Variants in SDK1 observed in about 807,000 individuals in gnomAD.
SDK1 encodes the protein sidekick cell adhesion molecule 1, also known as protein sidekick-1.
Under a neutral mutation model 245.5 loss-of-function variants are expected in SDK1, and 157 were observed. The observed-to-expected ratio is 0.64, with a 90% CI of 0.56 to 0.73. SDK1 has a LOEUF of 0.73. SDK1 is among the 30% of genes least tolerant of loss of function. SDK1 has a pLI of 0.00. For missense variants in SDK1, 3,583 were observed against 3,002.3 expected (o/e 1.19, Z -4.52); for synonymous variants, 1,647 against 1,278.5 (o/e 1.29, Z -6.15).
intron 1 of SDK1, among the ~76,000 whole-genome samples, chr7:3,474,153 G>T (rs1456823757): frequency 7.1e-6 from 1 of 141,590 alleles, no homozygotes; most frequent in Non-Finnish European, 1.5e-5. Context: ...CCCAGGCTGG[G>T]GCGCGGTGGC....
chr7:3,704,421 C>T (rs923714559), intron 4 of SDK1, among the ~76,000 whole-genome samples: 4 of 151,182 alleles, frequency 2.6e-5, no homozygotes, highest in African/African-American at 9.7e-5. Flanking sequence ...GGTGGCATCT[C>T]ACTGTAGTTT....
At position 4,238,226 on chromosome 7, in the gene SDK1, C is replaced by T. The variant is rs564811589; in HGVS notation, c.6130+442C>T. ...TCCTGAGTAGCTGGGATTACAGGCG[C>T]CTGCCACTACGCCCGGCTAATTTTT... On this transcript the variant is annotated intron_variant, in intron 42 of 44. Transcript: ENST00000404826. Among the ~76,000 whole-genome samples, 28 of 151,694 alleles carry T rather than the reference C, an allele frequency of 1.8e-4. No individual in the cohort carries two copies. In the South Asian group the frequency reaches 5.9e-3, roughly 32 times the overall value.
At chr7:4,236,466 G>C (rs979207363) in intron 41 of SDK1, among the ~76,000 whole-genome samples, 2 of 152,122 alleles carry the variant, frequency 1.3e-5, no homozygotes, top group African/African-American at 4.8e-5. Flanking sequence ...GCTTGGTTTT[G>C]CTAGAGGCAG....
intron 4 of SDK1, among the ~76,000 whole-genome samples, chr7:3,771,020 G>A (rs532138997): frequency 2.0e-5 from 3 of 152,118 alleles, no homozygotes; most frequent in Non-Finnish European, 2.9e-5. Flanking sequence ...GTTTTTTCTG[G>A]TCTTGGCTTT....
chr7:3,774,985 G>T (rs934675422), intron 4 of SDK1, among the ~76,000 whole-genome samples: 1 of 152,134 alleles, frequency 6.6e-6, no homozygotes, highest in African/African-American at 2.4e-5. Context: ...TGAAGGCTGG[G>T]CAGTGCCCCA....
chr7:4,081,131 G>A lies in SDK1; in HGVS notation c.3324+1547G>A, dbSNP rs115422958. ...GCGCTCTCTGCAGGCTTTAGAATGTGGTGTTACGCTAGGGCTAGGCAGGCC... is the reference window on the plus strand; with the variant it reads ...GCGCTCTCTGCAGGCTTTAGAATGTAGTGTTACGCTAGGGCTAGGCAGGCC... On this transcript the variant is annotated intron_variant, in intron 22 of 44. Coordinates refer to ENST00000404826, the MANE Select transcript of SDK1 (RefSeq NM_152744.4). 8.0e-3 allele frequency among the ~76,000 whole-genome samples: 1,214 copies of A among 152,302 alleles called. 14 individuals carry two copies. The highest frequency in any genetic ancestry group is 0.027 in the African/African-American group (1,126 of 41,568).
At chr7:4,007,354 G>A (rs1785563840) in intron 14 of SDK1, among the ~76,000 whole-genome samples, 2 of 152,040 alleles carry the variant, frequency 1.3e-5, no homozygotes, top group Admixed American at 6.6e-5. Context: ...GAAAAGAGGG[G>A]GACCCAGGTA....
rs1356714145 is a variant in SDK1 at position 4,241,850 on chromosome 7, C to A, written c.6188C>A (p.Ala2063Asp). The A allele has an allele frequency of 1.9e-6, 3 of 1,613,930 alleles. No homozygotes were observed. Among genetic ancestry groups the A allele is most frequent in the Admixed American group, 1.7e-5 (1 of 60,000 alleles). Residue 2063 changes from alanine to aspartate, a missense_variant, in exon 43 of 45, where the codon GCC (alanine) becomes GAC (aspartate). Physicochemically the swap from Ala to Asp is moderately radical, Grantham distance 126. Coordinates refer to ENST00000404826, the MANE Select transcript of SDK1 (RefSeq NM_152744.4). ...ACCCTGGACAACGGAGGATTTGCTG[C>A]CCTGGAGCTCAGCAGCCGCCACCTC... ...SVTLDNGGFA[A>D]LELSSRHLNV...
intron 2 of SDK1, among the ~76,000 whole-genome samples, chr7:3,636,994 G>T (rs955841250): frequency 2.0e-5 from 3 of 151,972 alleles, no homozygotes; most frequent in Admixed American, 6.6e-5. Context: ...AGAAATGTCT[G>T]TCTAGTATCT....
At chr7:3,674,123 GCA>G (rs1783813384) in intron 4 of SDK1, among the ~76,000 whole-genome samples, 1 of 152,170 alleles carries the variant, frequency 6.6e-6, no homozygotes, top group South Asian at 2.1e-4. Flanking sequence ...GTTGATTGAA[GCA>G]CAGTCAATGT....
chr7:3,874,399 T>C (rs887005748), intron 5 of SDK1, among the ~76,000 whole-genome samples: 1 of 152,180 alleles, frequency 6.6e-6, no homozygotes, highest in African/African-American at 2.4e-5. Context: ...GCTTAGTGCT[T>C]TTGAGTGTGT....
chr7:4,050,360 A>C (rs929777563), intron 18 of SDK1, among the ~76,000 whole-genome samples: 1 of 152,236 alleles, frequency 6.6e-6, no homozygotes, highest in Non-Finnish European at 1.5e-5. Flanking sequence ...GAAGTATCCA[A>C]AGCCAGAAGC....
At chr7:3,881,434 C>T (rs972430584) in intron 5 of SDK1, among the ~76,000 whole-genome samples, 5 of 152,212 alleles carry the variant, frequency 3.3e-5, no homozygotes, top group Non-Finnish European at 7.3e-5. Flanking sequence ...GACAAGATTT[C>T]ATTCCTTTTT....
chr7:3,734,179 G>C (rs1477446047), intron 4 of SDK1, among the ~76,000 whole-genome samples: 1 of 152,170 alleles, frequency 6.6e-6, no homozygotes, highest in Non-Finnish European at 1.5e-5. Flanking sequence ...GTAACATGCT[G>C]AAAATTAAAA....
Position 4,156,475 on chromosome 7 carries a change from G to A in SDK1, c.4626-1973G>A, listed in dbSNP as rs368052964. Among the ~76,000 whole-genome samples the A allele has an allele frequency of 1.4e-4, 22 of 152,320 alleles. No individual in the cohort carries two copies. In the East Asian group the frequency reaches 3.9e-3, roughly 27 times the overall value. ...CTGTTTTTCCAGTTGTGGACGCTGA[G>A]TGCAGAGGGTCTGAGATGTGCCTGC... On this transcript the variant is annotated intron_variant, in intron 30 of 44. Coordinates refer to ENST00000404826, the MANE Select transcript of SDK1 (RefSeq NM_152744.4).
At chr7:3,571,939 C>A (rs1282097250) in intron 1 of SDK1, among the ~76,000 whole-genome samples, 1 of 152,084 alleles carries the variant, frequency 6.6e-6, no homozygotes, top group Non-Finnish European at 1.5e-5. Flanking sequence ...CCCATCCCAT[C>A]CCTTCTCTTA....
chr7:4,065,533 T>A (rs1779818232), intron 19 of SDK1, among the ~76,000 whole-genome samples: 1 of 152,116 alleles, frequency 6.6e-6, no homozygotes, highest in Non-Finnish European at 1.5e-5. Flanking sequence ...CAAAAATCTG[T>A]CAGAATGTCT....
At chr7:4,237,616 A>G (rs915005901) in intron 41 of SDK1, 31 bp from the exon 42 acceptor site, 6 of 1,613,622 alleles carry the variant, frequency 3.7e-6, no homozygotes, top group African/African-American at 1.3e-5. Flanking sequence ...CGTCTGCCCC[A>G]TGTCATTGTG....
rs1051949075 is a variant in SDK1, at chr7:3,340,318, G to A, written c.298+38434G>A. ...ATAAAAGTTACATTTACTCTATGAA[G>A]TGCAATAACATTTTGTCTAAAAATA... On this transcript the variant is annotated intron_variant, in intron 1 of 44. Coordinates refer to ENST00000404826, the MANE Select transcript of SDK1 (RefSeq NM_152744.4). 3.3e-5 allele frequency among the ~76,000 whole-genome samples: 5 copies of A among 152,118 alleles called. No individual in the cohort carries two copies. The East Asian group carries it at 9.6e-4, about 29-fold the overall frequency.
Sources: gnomAD v4.1 joint callset for allele counts (sites outside exome capture counted in the v4.1 genomes callset) on GRCh38, gnomAD v4.1.1 for gene constraint, MANE v1.5 for transcripts, NCBI Gene and HGNC (gene_info 2026-07-23, HGNC 2026-07-21) for gene names.